GUCY2F: variants seen among roughly 807,000 people sequenced by gnomAD.
The protein encoded by GUCY2F is retinal guanylyl cyclase 2.
GUCY2F carries 61 observed loss-of-function variants against 73.1 expected under a neutral mutation model. The ratio of observed to expected loss-of-function variants is 0.83; its 90% CI spans 0.68 to 1.03. The LOEUF (loss-of-function observed/expected upper bound fraction) is 1.03, where lower values mean the gene tolerates loss of function less well. Among genes scored for constraint, GUCY2F ranks in the 50% least tolerant of loss-of-function variants. GUCY2F has a pLI of 0.00. For missense variants in GUCY2F, 912 were observed against 854.3 expected (o/e 1.07, Z -0.84); for synonymous variants, 331 against 307.8 (o/e 1.08, Z -0.79).
Position 109,376,080 on chromosome X carries a change from C to T in GUCY2F, c.3238G>A (p.Gly1080Arg), listed in dbSNP as rs753696134. The T allele has an allele frequency of 4.2e-6, 5 of 1,189,964 alleles. No individual in the cohort carries two copies. Among genetic ancestry groups the T allele is most frequent in the Non-Finnish European group, 4.6e-6 (4 of 875,505 alleles). Residue 1080 changes from glycine to arginine, a missense_variant and splice_region_variant, in exon 18 of 20, where the codon GGG becomes AGG. Coordinates refer to ENST00000218006, the MANE Select transcript of GUCY2F (RefSeq NM_001522.3). ...LPVPPPVDKD[G>R]QVGHGLQPVE... ...CAATTAAATGTGAACTCCACTTACCCATCTTTGTCCACTGGTGGGGGCACA... is the reference window on the plus strand; with the variant it reads ...CAATTAAATGTGAACTCCACTTACCTATCTTTGTCCACTGGTGGGGGCACA...
At chrX:109,457,392 A>G (rs756405672) in intron 3 of GUCY2F, among the ~76,000 whole-genome samples, 1 of 112,060 alleles carries the variant, frequency 8.9e-6, no homozygotes. Flanking sequence ...TTGAAAAGCC[A>G]TCACTTGAAG....
chrX:109,439,677 G>A (rs1380777806), intron 7 of GUCY2F, among the ~76,000 whole-genome samples: 3 of 111,348 alleles, frequency 2.7e-5, no homozygotes, highest in East Asian at 2.8e-4. Context: ...CATTGCTCAC[G>A]AATTCTACAT....
At chrX:109,395,008 C>T (rs974063974) in intron 12 of GUCY2F, among the ~76,000 whole-genome samples, 1 of 112,192 alleles carries the variant, frequency 8.9e-6, no homozygotes, top group African/African-American at 3.2e-5. Context: ...TGATACCCAT[C>T]ATCTAATAGT....
chrX:109,412,443 AGGGCC>A (rs1931133625), intron 8 of GUCY2F, among the ~76,000 whole-genome samples: 1 of 111,719 alleles, frequency 9.0e-6, no homozygotes, highest in Admixed American at 9.5e-5. Context: ...TCTAAGCATA[AGGGCC>A]TGGCACCCAT....
In GUCY2F at chrX:109,397,855, G is replaced by A. The variant is rs564650232; in HGVS notation, c.2275+694C>T. 2.8e-5 allele frequency among the ~76,000 whole-genome samples: 3 copies of A among 106,200 alleles called. No homozygotes were observed. In the South Asian group the frequency reaches 1.3e-3, roughly 45 times the overall value. The allele number at this position is 106,200 out of a possible 115,157, so 92.2% of individuals were successfully genotyped here. A position where few individuals can be genotyped will look rare whatever the true frequency, so the allele number is the denominator to read the frequency against. Reference sequence around the variant, plus strand: ...TTATGTATTTTTTTTTTTTTGTCAAGAATAACACCGAGGTGACATTATGCC... The same window carrying A: ...TTATGTATTTTTTTTTTTTTGTCAAAAATAACACCGAGGTGACATTATGCC... On this transcript the variant is annotated intron_variant, in intron 11 of 19. Coordinates refer to ENST00000218006, the MANE Select transcript of GUCY2F (RefSeq NM_001522.3).
chrX:109,465,204 A>G lies in GUCY2F; in HGVS notation c.970T>C (p.Tyr324His), dbSNP rs73248160. Residue 324 changes from tyrosine (Y) to histidine (H), a missense_variant, in exon 3 of 20, where the codon TAT (tyrosine) becomes CAT (histidine). Tyr to His is a moderately conservative substitution (Grantham distance 83). Coordinates refer to ENST00000218006, the MANE Select transcript of GUCY2F (RefSeq NM_001522.3). Reference sequence around the variant, plus strand: ...GCTGCTGCCTCTGTGAAGGCTTGATAGAAGGTCTTTTCTTGGGACTCCACT... The same window carrying G: ...GCTGCTGCCTCTGTGAAGGCTTGATGGAAGGTCTTTTCTTGGGACTCCACT... ...ITVESQEKTF[Y>H]QAFTEAAARG... The G allele has an allele frequency of 1.8e-3, 2,136 of 1,208,212 alleles. 9 individuals are homozygous for G. Among genetic ancestry groups the G allele is most frequent in the South Asian group, 0.01 (576 of 56,763 alleles).
intron 1 of GUCY2F, among the ~76,000 whole-genome samples, chrX:109,477,890 A>C (rs1010879990): frequency 8.9e-6 from 1 of 111,788 alleles, no homozygotes; most frequent in East Asian, 2.8e-4. Context: ...GACCTACCAC[A>C]AATAGTATGC....
intron 19 of GUCY2F, among the ~76,000 whole-genome samples, chrX:109,373,864 G>A (rs765036904): frequency 1.6e-3 from 185 of 112,511 alleles, no homozygotes; most frequent in Non-Finnish European, 3.1e-3. Context: ...GGATATTTGG[G>A]GACACAAGAT....
chrX:109,379,138 A>T (rs911127511), intron 17 of GUCY2F, among the ~76,000 whole-genome samples: 4 of 112,525 alleles, frequency 3.6e-5, no homozygotes, highest in Non-Finnish European at 5.6e-5. Context: ...AAAGGCAAAT[A>T]CTGCATGTTT....
intron 17 of GUCY2F, among the ~76,000 whole-genome samples, chrX:109,378,075 A>AT (rs1337770030): frequency 4.5e-5 from 5 of 111,514 alleles, no homozygotes; most frequent in Non-Finnish European, 9.4e-5. Context: ...CCCAATATCA[A>AT]TCCCCAAGCA....
chrX:109,378,895 A>G (rs990873527), intron 17 of GUCY2F, among the ~76,000 whole-genome samples: 3 of 111,819 alleles, frequency 2.7e-5, no homozygotes, highest in African/African-American at 9.8e-5. Context: ...TACTCAAAAT[A>G]TTGGAATCAG....
Position 109,438,841 on chromosome X carries a change from C to G in GUCY2F, c.1701+2510G>C, listed in dbSNP as rs760447901. 9.8e-5 allele frequency among the ~76,000 whole-genome samples: 11 copies of G among 112,792 alleles called. No individual in the cohort carries two copies. The South Asian group carries it at 4.0e-3, about 41-fold the overall frequency. ...TACTAGTGGAGGATCTTTGTGGTGGCCCTGACTCCACAGTTCTGCTGAGTA... is the reference window on the plus strand; with the variant it reads ...TACTAGTGGAGGATCTTTGTGGTGGGCCTGACTCCACAGTTCTGCTGAGTA... On this transcript the variant is annotated intron_variant, in intron 7 of 19. Transcript: ENST00000218006.
rs779456404 is a variant in GUCY2F at position 109,432,623 on chromosome X, A to G, written c.1702-2227T>C. ...AAAATCTTAACTTTGTGAGTATATC[A>G]TCATACAGCCTGTGGCAGCCCTGTG... On this transcript the variant is annotated intron_variant, in intron 7 of 19. Transcript: ENST00000218006. Among the ~76,000 whole-genome samples, 26 of 112,132 alleles carry G rather than the reference A, an allele frequency of 2.3e-4. No individual in the cohort carries two copies. In the East Asian group the frequency reaches 5.4e-3, roughly 23 times the overall value.
At chrX:109,438,170 G>A (rs542785698) in intron 7 of GUCY2F, among the ~76,000 whole-genome samples, 1 of 112,419 alleles carries the variant, frequency 8.9e-6, no homozygotes, top group South Asian at 3.7e-4. Flanking sequence ...GGATGTCCAA[G>A]ATCAAGGTAC....
intron 1 of GUCY2F, among the ~76,000 whole-genome samples, chrX:109,476,767 TA>T (rs1166350067): frequency 9.5e-6 from 1 of 105,315 alleles, no homozygotes; most frequent in Non-Finnish European, 1.9e-5. Context: ...GATAGATAGA[TA>T]GATAGACAGA....
chrX:109,405,407 G>A (rs974652539), intron 9 of GUCY2F, among the ~76,000 whole-genome samples: 4 of 111,913 alleles, frequency 3.6e-5, no homozygotes, highest in African/African-American at 1.3e-4. Flanking sequence ...CCAGAAAGAA[G>A]AAAGCTGTCT....
chrX:109,389,306 T>C (rs1930507312), intron 14 of GUCY2F, among the ~76,000 whole-genome samples: 1 of 112,041 alleles, frequency 8.9e-6, no homozygotes, highest in Admixed American at 9.4e-5. Flanking sequence ...GCCAAATCTA[T>C]GTTCCTCACC....
At chrX:109,442,209 T>G (rs956645878) in intron 6 of GUCY2F, among the ~76,000 whole-genome samples, 3 of 111,995 alleles carry the variant, frequency 2.7e-5, no homozygotes, top group Non-Finnish European at 5.7e-5. Context: ...TGTGTTAACC[T>G]TTAAAATTGA....
At chrX:109,391,278 G>A (rs1018246364) in intron 14 of GUCY2F, among the ~76,000 whole-genome samples, 3 of 111,480 alleles carry the variant, frequency 2.7e-5, no homozygotes, top group African/African-American at 9.8e-5. Flanking sequence ...AAGGCTGGAG[G>A]AGTGAGAGAA....
Sources: allele counts gnomAD v4.1 joint callset (sites outside exome capture counted in the v4.1 genomes callset), GRCh38; gene constraint gnomAD v4.1.1; transcripts MANE v1.5; gene names NCBI Gene and HGNC (gene_info 2026-07-23, HGNC 2026-07-21).